PKHD1: variants seen among roughly 807,000 people sequenced by gnomAD.
PKHD1 encodes the protein PKHD1 ciliary IPT domain containing fibrocystin/polyductin, also known as fibrocystin.
PKHD1 carries 291 observed loss-of-function variants against 412.0 expected under a neutral mutation model. That is an observed-to-expected ratio of 0.71 (90% CI 0.64 to 0.78). The LOEUF is 0.78. PKHD1 is among the 30% of genes least tolerant of loss of function. The pLI is 0.00. For synonymous variants in PKHD1, 1,777 were observed against 1,821.5 expected, an observed-to-expected ratio of 0.98 and a Z score of 0.62; for missense variants, 4,825 against 4,950.7, an observed-to-expected ratio of 0.97 and a Z score of 0.76.
At chr6:51,750,202 A>G (rs1785862343) in intron 57 of PKHD1, among the ~76,000 whole-genome samples, 1 of 152,102 alleles carries the variant, frequency 6.6e-6, no homozygotes, top group African/African-American at 2.4e-5. Flanking sequence ...AAGTATCTAA[A>G]TTTCTCAATG....
chr6:51,730,958 T>A (rs966723667), intron 60 of PKHD1, among the ~76,000 whole-genome samples: 1 of 152,216 alleles, frequency 6.6e-6, no homozygotes, highest in African/African-American at 2.4e-5. Flanking sequence ...TCTCACTCTG[T>A]CACCCACGCT....
chr6:51,821,600 A>G (rs1344536022), intron 52 of PKHD1, among the ~76,000 whole-genome samples: 3 of 152,194 alleles, frequency 2.0e-5, no homozygotes, highest in Non-Finnish European at 2.9e-5. Flanking sequence ...TCATTCTAAG[A>G]GTTATACATA....
rs70977326 is a variant in PKHD1 at position 52,065,168 on chromosome 6, TAGAGAG to T, written c.881-124_881-119del. 3.0e-3 allele frequency: 94 copies of T among 31,696 alleles called. 1 individual carries two copies. The highest frequency in any genetic ancestry group is 0.011 in the South Asian group (6 of 556). 2.0% of individuals were successfully genotyped at this position (31,696 alleles called of 1,614,324 possible). ...ATATATATATATATATATATATATA[TAGAGAG>T]AGAGAGAGAGAGAGAGAGAGAGACA... On this transcript the variant is annotated intron_variant, in intron 12 of 66. Transcript: ENST00000371117.
chr6:52,075,218 A>C (rs997303984), intron 6 of PKHD1, among the ~76,000 whole-genome samples: 2 of 152,240 alleles, frequency 1.3e-5, no homozygotes, highest in African/African-American at 2.4e-5. Context: ...TATTCTCTGA[A>C]ATATAATTTA....
chr6:52,010,423 A>T lies in PKHD1; in HGVS notation c.5637T>A (p.Asn1879Lys). Reference sequence around the variant, plus strand: ...TTTCCATGGTAATGTTACAGGAGCTATTATAGATGAGAACTTCATCTCTTT... The same window carrying T: ...TTTCCATGGTAATGTTACAGGAGCTTTTATAGATGAGAACTTCATCTCTTT... ...KLERDEVLIY[N>K]SSCNITMETE... is the part of the protein sequence containing the mutation. Residue 1879 changes from asparagine (N) to lysine (K), a missense_variant, in exon 35 of 67, where the codon AAT becomes AAA. Transcript: ENST00000371117. 1 of 1,608,604 alleles carries T rather than the reference A, an allele frequency of 6.2e-7. No individual in the cohort carries two copies. The highest frequency in any genetic ancestry group is 8.5e-7 in the Non-Finnish European group (1 of 1,175,050).
intron 20 of PKHD1, among the ~76,000 whole-genome samples, chr6:52,053,626 A>T (rs1312841776): frequency 1.3e-5 from 2 of 152,236 alleles, no homozygotes; most frequent in Non-Finnish European, 2.9e-5. Context: ...AAGACCATTT[A>T]CAAGACCCAT....
chr6:51,817,241 A>G (rs1765611207), intron 52 of PKHD1, among the ~76,000 whole-genome samples: 1 of 152,124 alleles, frequency 6.6e-6, no homozygotes, highest in South Asian at 2.1e-4. Flanking sequence ...CTATTTCCTT[A>G]CTACAGGTGA....
chr6:51,882,837 C>A (rs1777593460), intron 46 of PKHD1, among the ~76,000 whole-genome samples: 1 of 152,138 alleles, frequency 6.6e-6, no homozygotes, highest in African/African-American at 2.4e-5. Flanking sequence ...TAAATTGCAA[C>A]CAAATAAAAT....
At chr6:52,078,845 T>A (rs1368307272) in intron 5 of PKHD1, among the ~76,000 whole-genome samples, 1 of 152,192 alleles carries the variant, frequency 6.6e-6, no homozygotes, top group Non-Finnish European at 1.5e-5. Context: ...AAGAATGATA[T>A]AATGTTTTTT....
chr6:52,071,988 T>C, intron 8 of PKHD1, 127 bp downstream of exon 8: 1 of 712,910 alleles, frequency 1.4e-6, no homozygotes. Context: ...AATAGCTATG[T>C]GTGATTTATA....
At chr6:51,874,902 G>C (rs1337591064) in intron 46 of PKHD1, among the ~76,000 whole-genome samples, 1 of 89,740 alleles carries the variant, frequency 1.1e-5, no homozygotes, top group Non-Finnish European at 2.1e-5. Flanking sequence ...GCCAGTGTGT[G>C]TGCGCACCGT....
chr6:52,045,729 T>C (rs1251506142), intron 24 of PKHD1, among the ~76,000 whole-genome samples: 1 of 152,210 alleles, frequency 6.6e-6, no homozygotes, highest in Non-Finnish European at 1.5e-5. Flanking sequence ...ATAACAGATG[T>C]AGAATTATTG....
chr6:52,061,749 T>C lies in PKHD1; in HGVS notation c.1118+770A>G, dbSNP rs141794573. Among the ~76,000 whole-genome samples the C allele has an allele frequency of 3.4e-3, 523 of 152,100 alleles. 3 individuals are homozygous for C. Among genetic ancestry groups the C allele is most frequent in the African/African-American group, 0.012 (484 of 41,516 alleles). On this transcript the variant is annotated intron_variant, in intron 14 of 66. Coordinates refer to ENST00000371117, the MANE Select transcript of PKHD1 (RefSeq NM_138694.4). ...GAGGAGGTCACAGACTGACTGAAATTCACACTCATGAGTCACAGTCATCCT... is the reference window on the plus strand; with the variant it reads ...GAGGAGGTCACAGACTGACTGAAATCCACACTCATGAGTCACAGTCATCCT...
In PKHD1 at chr6:51,852,614, T is replaced by A. The variant is rs138452601; in HGVS notation, c.7911+3279A>T. On this transcript the variant is annotated intron_variant, in intron 49 of 66. Coordinates refer to ENST00000371117, the MANE Select transcript of PKHD1 (RefSeq NM_138694.4). ...ATTGGGGGCATGTATATTTAGATAG[T>A]TAGCGTTTCTTTTCTTGTTGCATTG... Among the ~76,000 whole-genome samples, 65 of 152,330 alleles carry A rather than the reference T, an allele frequency of 4.3e-4. 1 individual carries two copies. The highest frequency in any genetic ancestry group is 1.4e-3 in the African/African-American group (60 of 41,572).
At chr6:51,743,760 G>C (rs962804587) in intron 60 of PKHD1, among the ~76,000 whole-genome samples, 1 of 152,178 alleles carries the variant, frequency 6.6e-6, no homozygotes. Flanking sequence ...ACCGGAGCAG[G>C]TTCCAGCTGA....
chr6:52,050,122 G>C (rs1156643380), intron 22 of PKHD1, 35 bp downstream of exon 22: 2 of 1,608,326 alleles, frequency 1.2e-6, no homozygotes. Context: ...AGCATTCTTA[G>C]GAGAAGGGAC....
intron 35 of PKHD1, among the ~76,000 whole-genome samples, chr6:51,989,564 T>G (rs183333978): frequency 4.1e-4 from 62 of 152,262 alleles, no homozygotes; most frequent in South Asian, 8.3e-4. Context: ...ACAAATAAAT[T>G]AATAATGGCA....
intron 33 of PKHD1, among the ~76,000 whole-genome samples, chr6:52,019,483 C>A (rs2128133249): frequency 6.6e-6 from 1 of 152,300 alleles, no homozygotes. Flanking sequence ...TAAGAACTTT[C>A]CAGTTAGTAA....
At chr6:51,638,616 T>G (rs1178930395) in intron 64 of PKHD1, among the ~76,000 whole-genome samples, 7 of 152,056 alleles carry the variant, frequency 4.6e-5, no homozygotes, top group African/African-American at 1.7e-4. Flanking sequence ...AACGTCAATG[T>G]TGAGAAGGAA....
Sources: allele counts gnomAD v4.1 joint callset (sites outside exome capture counted in the v4.1 genomes callset), GRCh38; gene constraint gnomAD v4.1.1; transcripts MANE v1.5; gene names NCBI Gene and HGNC (gene_info 2026-07-23, HGNC 2026-07-21).